The following GABRA3 variants were observed in gnomAD, a reference collection of about 807,000 sequenced individuals.
The protein encoded by GABRA3 is gamma-aminobutyric acid type A receptor subunit alpha3, also known as gamma-aminobutyric acid receptor subunit alpha-3.
A neutral mutation model predicts 30.1 loss-of-function variants in GABRA3; 10 were observed. That is an observed-to-expected ratio of 0.33 (90% CI 0.20 to 0.56). The LOEUF is 0.56. GABRA3 is among the 20% of genes least tolerant of loss of function. The pLI is 0.89. For missense variants in GABRA3, 233 were observed against 392.0 expected (o/e 0.59, Z 3.42); for synonymous variants, 151 against 146.8 (o/e 1.03, Z -0.21).
chrX:152,213,628 C>T (rs916772411), intron 6 of GABRA3, among the ~76,000 whole-genome samples: 2 of 111,579 alleles, frequency 1.8e-5, no homozygotes, highest in Non-Finnish European at 3.8e-5. Context: ...AAGTCTTCTA[C>T]GTGGTAAAGA....
chrX:152,417,863 C>T (rs1338059935), intron 1 of GABRA3, among the ~76,000 whole-genome samples: 2 of 78,916 alleles, frequency 2.5e-5, no homozygotes, highest in Middle Eastern at 7.6e-3. Flanking sequence ...TATCACACTC[C>T]AGGGACTGTT....
chrX:152,229,141 T>C, intron 5 of GABRA3, among the ~76,000 whole-genome samples: 1 of 111,336 alleles, frequency 9.0e-6, no homozygotes, highest in Admixed American at 9.6e-5. Context: ...TGGATTCATT[T>C]GTGAAGCTCT....
intron 3 of GABRA3, among the ~76,000 whole-genome samples, chrX:152,339,198 A>G (rs1340927552): frequency 1.8e-5 from 2 of 111,124 alleles, no homozygotes; most frequent in Admixed American, 9.6e-5. Context: ...ACAAAAACAT[A>G]AAGTCGGGAA....
At chrX:152,446,840 T>C (rs927319923) in intron 1 of GABRA3, among the ~76,000 whole-genome samples, 1 of 112,031 alleles carries the variant, frequency 8.9e-6, no homozygotes, top group African/African-American at 3.2e-5. Flanking sequence ...AATTTTCCCA[T>C]CTAGCATTCA....
intron 8 of GABRA3, among the ~76,000 whole-genome samples, chrX:152,193,064 C>T (rs1199591357): frequency 2.7e-5 from 3 of 111,563 alleles, no homozygotes; most frequent in Admixed American, 9.5e-5. Flanking sequence ...AGACCATTAC[C>T]GGATCACAGT....
intron 3 of GABRA3, among the ~76,000 whole-genome samples, chrX:152,309,129 A>G (rs964829269): frequency 8.9e-6 from 1 of 112,325 alleles, no homozygotes; most frequent in African/African-American, 3.2e-5. Context: ...CCCAAGAAAT[A>G]TAGGATTATG....
chrX:152,359,366 T>C (rs1928415006), intron 2 of GABRA3, among the ~76,000 whole-genome samples: 2 of 111,225 alleles, frequency 1.8e-5, no homozygotes, highest in African/African-American at 6.5e-5. Flanking sequence ...TAGTAGTCTC[T>C]GAGGGTTTTC....
chrX:152,328,814 A>G (rs1237310035), intron 3 of GABRA3, among the ~76,000 whole-genome samples: 1 of 111,035 alleles, frequency 9.0e-6, no homozygotes, highest in Non-Finnish European at 1.9e-5. Context: ...CTCTCTCACC[A>G]CTCCTATTCA....
At chrX:152,313,983 AC>A (rs1042255777) in intron 3 of GABRA3, among the ~76,000 whole-genome samples, 3 of 111,343 alleles carry the variant, frequency 2.7e-5, no homozygotes, top group Admixed American at 9.6e-5. Context: ...GGAACACAGG[AC>A]CATCATAATC....
intron 1 of GABRA3, among the ~76,000 whole-genome samples, chrX:152,368,409 C>G (rs1928716104): frequency 9.0e-6 from 1 of 111,095 alleles, no homozygotes; most frequent in South Asian, 3.8e-4. Flanking sequence ...TCTCTGTATG[C>G]CTTATTTCAC....
intron 6 of GABRA3, among the ~76,000 whole-genome samples, chrX:152,210,275 T>C (rs1372587208): frequency 1.8e-5 from 2 of 112,152 alleles, no homozygotes; most frequent in African/African-American, 6.5e-5. Flanking sequence ...TTTATTTCTA[T>C]AAGAAAATGT....
At chrX:152,214,803 T>C (rs1937686014) in intron 6 of GABRA3, among the ~76,000 whole-genome samples, 1 of 103,677 alleles carries the variant, frequency 9.6e-6, no homozygotes, top group African/African-American at 3.9e-5. Flanking sequence ...CTTGGTTAAA[T>C]TTATTCCTAG....
At chrX:152,305,484 C>T (rs1007446866) in intron 3 of GABRA3, among the ~76,000 whole-genome samples, 1 of 110,913 alleles carries the variant, frequency 9.0e-6, no homozygotes, top group African/African-American at 3.3e-5. Context: ...TATACAAACC[C>T]CCTGACACAC....
rs377098873 is a variant in GABRA3 at position 152,367,415 on chromosome X, A to C, written c.-26-2819T>G. 9.8e-5 allele frequency among the ~76,000 whole-genome samples: 11 copies of C among 111,796 alleles called. No individual in the cohort carries two copies. In the South Asian group the frequency reaches 3.8e-3, roughly 38 times the overall value. Reference sequence around the variant, plus strand: ...TGACACGTGCTCAGGCCATTATAATATGTAATTGCATGGCCAAATTAGCAA... The same window carrying C: ...TGACACGTGCTCAGGCCATTATAATCTGTAATTGCATGGCCAAATTAGCAA... On this transcript the variant is annotated intron_variant, in intron 1 of 9. Transcript: ENST00000370314.
intron 1 of GABRA3, among the ~76,000 whole-genome samples, chrX:152,422,361 A>G (rs1031157910): frequency 9.0e-6 from 1 of 111,205 alleles, no homozygotes; most frequent in Non-Finnish European, 1.9e-5. Flanking sequence ...AAGTGAAACT[A>G]CTATAAGAAA....
intron 9 of GABRA3, among the ~76,000 whole-genome samples, chrX:152,188,862 T>C (rs748603470): frequency 2.2e-3 from 248 of 112,141 alleles, no homozygotes; most frequent in Non-Finnish European, 3.7e-3. Flanking sequence ...TTAGCATATT[T>C]TGATAATCTT....
chrX:152,235,966 T>C (rs1603220302), intron 5 of GABRA3, among the ~76,000 whole-genome samples: 1 of 108,527 alleles, frequency 9.2e-6, no homozygotes, highest in Admixed American at 9.8e-5. Context: ...TCTTTTTTTT[T>C]TTTTTTTAGG....
intron 6 of GABRA3, among the ~76,000 whole-genome samples, chrX:152,217,577 A>G (rs1049441819): frequency 1.8e-5 from 2 of 111,519 alleles, no homozygotes; most frequent in African/African-American, 3.2e-5. Context: ...GTACAATTCA[A>G]TGGTGAAGCC....
At chrX:152,286,088 C>T (rs867186308) in intron 3 of GABRA3, among the ~76,000 whole-genome samples, 5 of 88,369 alleles carry the variant, frequency 5.7e-5, no homozygotes, top group East Asian at 3.4e-4. Context: ...TATAAATATA[C>T]TTATAAATAA....
Sources: allele counts gnomAD v4.1 joint callset (sites outside exome capture counted in the v4.1 genomes callset), GRCh38; gene constraint gnomAD v4.1.1; transcripts MANE v1.5; gene names NCBI Gene and HGNC (gene_info 2026-07-23, HGNC 2026-07-21).